Variants in TET1 observed in about 807,000 individuals in gnomAD.
TET1 encodes the protein methylcytosine dioxygenase TET1.
A neutral mutation model predicts 148.7 loss-of-function variants in TET1; 13 were observed. The ratio of observed to expected loss-of-function variants is 0.09; its 90% CI spans 0.06 to 0.14. The LOEUF (loss-of-function observed/expected upper bound fraction) is 0.14, where lower values mean the gene tolerates loss of function less well. Ranked by LOEUF, TET1 falls within the 10% of genes least tolerant of loss-of-function variation. TET1 has a pLI of 1.00. For synonymous variants in TET1, 907 were observed against 937.2 expected (o/e 0.97, Z 0.59); for missense variants, 2,182 against 2,553.8 (o/e 0.85, Z 3.14).
chr10:68,672,515 C>CA (rs1207136905), intron 7 of TET1, among the ~76,000 whole-genome samples: 1,470 of 85,472 alleles, frequency 0.017, 12 homozygotes, highest in African/African-American at 0.033. Flanking sequence ...AAAAAAACAC[C>CA]AAAAAAAAAA....
chr10:68,601,649 TCA>T (rs1291699681), intron 3 of TET1, among the ~76,000 whole-genome samples: 1 of 152,188 alleles, frequency 6.6e-6, no homozygotes, highest in African/African-American at 2.4e-5. Flanking sequence ...AGTTATAAGC[TCA>T]CAGTCTGTGT....
At chr10:68,640,975 C>T (rs934810616) in intron 3 of TET1, among the ~76,000 whole-genome samples, 8 of 150,362 alleles carry the variant, frequency 5.3e-5, no homozygotes, top group African/African-American at 1.7e-4. Context: ...ATATGATGGT[C>T]GCATTTTAGT....
At chr10:68,628,854 G>A (rs1054901667) in intron 3 of TET1, among the ~76,000 whole-genome samples, 2 of 152,180 alleles carry the variant, frequency 1.3e-5, no homozygotes, top group African/African-American at 2.4e-5. Flanking sequence ...TTTAGCAGGT[G>A]CAGAATGCAG....
At chr10:68,669,301 G>A (rs1367878304) in intron 7 of TET1, among the ~76,000 whole-genome samples, 4 of 151,540 alleles carry the variant, frequency 2.6e-5, no homozygotes, top group Admixed American at 1.3e-4. Context: ...ATACTTCAGC[G>A]GAGTCTTTTT....
intron 6 of TET1, among the ~76,000 whole-genome samples, chr10:68,654,414 G>A (rs182348450): frequency 1.4e-4 from 21 of 152,012 alleles, no homozygotes; most frequent in Non-Finnish European, 2.8e-4. Context: ...TCAGGAGATC[G>A]AGCCTATCCT....
chr10:68,606,685 C>T (rs1210785182), intron 3 of TET1, among the ~76,000 whole-genome samples: 1 of 151,620 alleles, frequency 6.6e-6, no homozygotes, highest in Non-Finnish European at 1.5e-5. Flanking sequence ...TTTAATGGGC[C>T]AGTGAGGAAA....
chr10:68,607,408 GT>G (rs34173669), intron 3 of TET1, among the ~76,000 whole-genome samples: 74,311 of 146,946 alleles, frequency 0.51, 19,053 homozygotes, highest in Middle Eastern at 0.58. Context: ...TGGATCTTAA[GT>G]TTTTTTTTTT....
At chr10:68,616,862 G>C (rs1389245442) in intron 3 of TET1, among the ~76,000 whole-genome samples, 1 of 146,090 alleles carries the variant, frequency 6.8e-6, no homozygotes, top group African/African-American at 2.5e-5. Context: ...CGCCCACCAC[G>C]ACGCCCAGCT....
intron 8 of TET1, among the ~76,000 whole-genome samples, chr10:68,680,533 G>A (rs1004132281): frequency 2.0e-5 from 3 of 152,134 alleles, no homozygotes; most frequent in African/African-American, 7.2e-5. Flanking sequence ...TCTTGGAGAG[G>A]TGTGGAGTTT....
chr10:68,680,291 G>A (rs1333825046), intron 8 of TET1, among the ~76,000 whole-genome samples: 2 of 152,180 alleles, frequency 1.3e-5, no homozygotes, highest in Admixed American at 1.3e-4. Context: ...AATCTCACAT[G>A]AGCATATGAG....
Position 68,601,047 on chromosome 10 carries a change from T to C in TET1, c.1968+13T>C, listed in dbSNP as rs1315683725. On this transcript the variant is annotated intron_variant, in intron 3 of 11. Transcript: ENST00000373644. The stretch of plus-strand genomic sequence containing the variant: ...CAAAGTTTTAAAGGTAATCAGCTGT[T>C]GATTAAATAATATTTCATTATTTTT... 6.3e-7 allele frequency: 1 copy of C among 1,590,188 alleles called. No individual in the cohort carries two copies. Among genetic ancestry groups the C allele is most frequent in the Non-Finnish European group, 8.5e-7 (1 of 1,171,410 alleles).
intron 10 of TET1, among the ~76,000 whole-genome samples, chr10:68,683,636 T>C (rs1042899973): frequency 1.3e-5 from 2 of 152,164 alleles, no homozygotes; most frequent in Admixed American, 6.5e-5. Flanking sequence ...ATGGTCTTGA[T>C]CTCATGACCT....
At chr10:68,585,524 C>A (rs2053851042) in intron 2 of TET1, among the ~76,000 whole-genome samples, 1 of 152,168 alleles carries the variant, frequency 6.6e-6, no homozygotes, top group Non-Finnish European at 1.5e-5. Context: ...GCAACTTCTA[C>A]ATCAGAGGTT....
Position 68,573,931 on chromosome 10 carries a change from C to G in TET1, c.1593C>G (p.Ala531=). 6.2e-7 allele frequency: 1 copy of G among 1,614,082 alleles called. No homozygotes were observed. Among genetic ancestry groups the G allele is most frequent in the East Asian group, 2.2e-5 (1 of 44,868 alleles). Reference sequence around the variant, plus strand: ...TCTTCCATGCTTCACTGGGTATAGCCCAACTCTCTCAGGCTGGTCCTAGCA... The same window carrying G: ...TCTTCCATGCTTCACTGGGTATAGCGCAACTCTCTCAGGCTGGTCCTAGCA... The part of the protein sequence containing the change: ...RGLFHASLGI[A]QLSQAGPSKS... The change falls in exon 2 of 12, where the codon GCC becomes GCG. Residue 531 remains alanine, a synonymous_variant. Coordinates refer to ENST00000373644, the MANE Select transcript of TET1 (RefSeq NM_030625.3).
chr10:68,603,886 G>C (rs1236351342), intron 3 of TET1, among the ~76,000 whole-genome samples: 1 of 152,168 alleles, frequency 6.6e-6, no homozygotes, highest in Non-Finnish European at 1.5e-5. Context: ...TCTTCCTGTA[G>C]CTGAAATGAC....
intron 3 of TET1, among the ~76,000 whole-genome samples, chr10:68,612,948 G>C (rs1295363770): frequency 6.6e-6 from 1 of 152,020 alleles, no homozygotes; most frequent in Non-Finnish European, 1.5e-5. Context: ...ATCCTTTAAG[G>C]GTAGAGTAGT....
intron 3 of TET1, among the ~76,000 whole-genome samples, chr10:68,643,722 A>C (rs973693982): frequency 6.6e-6 from 1 of 151,912 alleles, no homozygotes; most frequent in Non-Finnish European, 1.5e-5. Context: ...GCTGAGGAGG[A>C]AAATTGCTCG....
intron 2 of TET1, among the ~76,000 whole-genome samples, chr10:68,598,816 G>A (rs1297190625): frequency 6.7e-6 from 1 of 150,368 alleles, no homozygotes; most frequent in Non-Finnish European, 1.5e-5. Context: ...TCAGCCTCCC[G>A]AGTAGGTGGG....
At chr10:68,658,617 T>A (rs1289908274) in intron 6 of TET1, among the ~76,000 whole-genome samples, 1 of 152,194 alleles carries the variant, frequency 6.6e-6, no homozygotes, top group Admixed American at 6.5e-5. Context: ...TGCCAGGTGG[T>A]CATTAAAACT....
Sources: gnomAD v4.1 joint callset for allele counts (sites outside exome capture counted in the v4.1 genomes callset) on GRCh38, gnomAD v4.1.1 for gene constraint, MANE v1.5 for transcripts, NCBI Gene and HGNC (gene_info 2026-07-23, HGNC 2026-07-21) for gene names.